DPP6: variants seen among roughly 807,000 people sequenced by gnomAD.
The protein encoded by DPP6 is dipeptidyl peptidase like 6.
In DPP6, 69 loss-of-function variants were observed where a neutral mutation model predicts 122.6. That is an observed-to-expected ratio of 0.56 (90% CI 0.46 to 0.69). DPP6 has a LOEUF of 0.69. Ranked by LOEUF, DPP6 falls within the 30% of genes least tolerant of loss-of-function variation. The pLI is 0.00. For missense variants in DPP6, 928 were observed against 1,116.9 expected (o/e 0.83, Z 2.41); for synonymous variants, 418 against 433.1 (o/e 0.97, Z 0.43).
intron 7 of DPP6, among the ~76,000 whole-genome samples, chr7:154,677,468 C>T (rs1427205550): frequency 6.6e-6 from 1 of 152,124 alleles, no homozygotes; most frequent in South Asian, 2.1e-4. Flanking sequence ...TTTAAAGTAG[C>T]CCATTAAAAT....
At chr7:154,673,103 A>G (rs553273951) in intron 7 of DPP6, among the ~76,000 whole-genome samples, 1 of 152,276 alleles carries the variant, frequency 6.6e-6, no homozygotes, top group South Asian at 2.1e-4. Context: ...TTCACAACTC[A>G]AGAGCAGGCC....
At chr7:154,846,326 C>T (rs1464285990) in intron 16 of DPP6, among the ~76,000 whole-genome samples, 1 of 151,814 alleles carries the variant, frequency 6.6e-6, no homozygotes, top group Non-Finnish European at 1.5e-5. Context: ...TTCTGCAAGC[C>T]CCCCTTGCTC....
At chr7:154,356,273 A>G (rs961914642) in intron 1 of DPP6, among the ~76,000 whole-genome samples, 5 of 152,158 alleles carry the variant, frequency 3.3e-5, no homozygotes, top group Non-Finnish European at 7.4e-5. Context: ...ACAGTTTTGT[A>G]ATTTTATTTG....
chr7:154,617,608 G>T (rs1370071632), intron 5 of DPP6, among the ~76,000 whole-genome samples: 1 of 152,186 alleles, frequency 6.6e-6, no homozygotes, highest in South Asian at 2.1e-4. Context: ...GCCCGTTGGT[G>T]ACTGCTCGTG....
At chr7:153,924,862 A>G (rs571384038) in intron 1 of DPP6, among the ~76,000 whole-genome samples, 1 of 152,314 alleles carries the variant, frequency 6.6e-6, no homozygotes, top group Non-Finnish European at 1.5e-5. Flanking sequence ...GGGTCCATGG[A>G]GAAGTCAGAG....
At chr7:154,246,839 A>G (rs1470149267) in intron 1 of DPP6, among the ~76,000 whole-genome samples, 3 of 152,224 alleles carry the variant, frequency 2.0e-5, no homozygotes, top group Middle Eastern at 3.2e-3. Context: ...GATGGATCAT[A>G]TATCTAAATA....
In DPP6 at chr7:154,366,846, C is replaced by T. The variant is rs1183220845; in HGVS notation, c.244-79368C>T. The stretch of plus-strand genomic sequence containing the variant: ...ATTTGCCCAAGTCCCAATACAATTC[C>T]CTCCCTGTGAAGCCTTAGAAATTCC... On this transcript the variant is annotated intron_variant, in intron 1 of 25. Coordinates refer to ENST00000377770, the MANE Select transcript of DPP6 (RefSeq NM_130797.4). 2.0e-5 allele frequency among the ~76,000 whole-genome samples: 3 copies of T among 152,256 alleles called. No individual in the cohort carries two copies. In the East Asian group the frequency reaches 5.8e-4, roughly 29 times the overall value.
intron 5 of DPP6, among the ~76,000 whole-genome samples, chr7:154,610,717 G>A (rs1302452113): frequency 2.6e-5 from 1 of 38,368 alleles, no homozygotes; most frequent in African/African-American, 8.0e-5. Context: ...CTGTGTGTGT[G>A]TGTGTGTGTG....
intron 19 of DPP6, among the ~76,000 whole-genome samples, chr7:154,873,753 C>T (rs1161699027): frequency 6.6e-6 from 1 of 152,034 alleles, no homozygotes; most frequent in Admixed American, 6.6e-5. Flanking sequence ...CACGCACCCA[C>T]ACACAGGCAC....
intron 18 of DPP6, among the ~76,000 whole-genome samples, chr7:154,868,829 A>G (rs1174399755): frequency 6.6e-6 from 1 of 152,210 alleles, no homozygotes; most frequent in East Asian, 1.9e-4. Flanking sequence ...AAATGCCCAC[A>G]GCGGATTTCA....
intron 5 of DPP6, among the ~76,000 whole-genome samples, chr7:154,623,665 GCACA>G (rs1232483566): frequency 3.3e-5 from 5 of 150,982 alleles, no homozygotes; most frequent in Middle Eastern, 3.4e-3. Context: ...GCACACACAC[GCACA>G]CACACACGCA....
intron 1 of DPP6, among the ~76,000 whole-genome samples, chr7:154,219,048 T>G (rs962130267): frequency 1.3e-5 from 2 of 152,226 alleles, no homozygotes; most frequent in Non-Finnish European, 2.9e-5. Context: ...TTTTGTACAC[T>G]GAATCTCTAT....
chr7:154,616,160 G>A (rs1309779812), intron 5 of DPP6, among the ~76,000 whole-genome samples: 1 of 152,092 alleles, frequency 6.6e-6, no homozygotes, highest in Non-Finnish European at 1.5e-5. Context: ...TCACCCCACT[G>A]AAAAGCCCGC....
In DPP6 at chr7:154,053,045, C is replaced by A; in HGVS notation, c.225C>A (p.Ser75Arg). 1 of 1,057,050 alleles carries A rather than the reference C, an allele frequency of 9.5e-7. No homozygotes were observed. Among genetic ancestry groups the A allele is most frequent in the South Asian group, 4.4e-5 (1 of 22,840 alleles). The allele number at this position is 1,057,050 out of a possible 1,614,324, so 65.5% of individuals were successfully genotyped here. ...GRPRFQYQAR[S>R]DGDEEDELVG... ...CCCGGTTCCAGTACCAGGCGCGGAG[C>A]GATGGTGACGAGGAGGACGTAAGAG... is the stretch of plus-strand genomic sequence containing the variant. Residue 75 changes from serine to arginine, a missense_variant, in exon 1 of 26, where the codon AGC becomes AGA. Coordinates refer to ENST00000377770, the MANE Select transcript of DPP6 (RefSeq NM_130797.4).
At chr7:154,430,557 C>T (rs1309208118) in intron 1 of DPP6, among the ~76,000 whole-genome samples, 1 of 152,184 alleles carries the variant, frequency 6.6e-6, no homozygotes, top group Non-Finnish European at 1.5e-5. Context: ...GAAGGCCCCC[C>T]TCCTAGTGCT....
chr7:153,964,640 G>T lies in DPP6; in HGVS notation c.51+76906G>T, dbSNP rs142557594. 2.0e-5 allele frequency among the ~76,000 whole-genome samples: 3 copies of T among 152,118 alleles called. No individual in the cohort carries two copies. The East Asian group carries it at 5.8e-4, about 29-fold the overall frequency. On this transcript the variant is annotated intron_variant, in intron 1 of 25. Transcript: ENST00000404039. ...CATATATTCCAGGAACAGTAGGCTG[G>T]TTGGGCCACCGGCGCCAACATCCTG...
At chr7:154,781,609 C>A (rs1375431443) in intron 10 of DPP6, among the ~76,000 whole-genome samples, 1 of 152,226 alleles carries the variant, frequency 6.6e-6, no homozygotes. Context: ...AAATGTGGAA[C>A]TGTACACTTT....
At chr7:154,478,511 G>T (rs1822953535) in intron 3 of DPP6, among the ~76,000 whole-genome samples, 1 of 151,734 alleles carries the variant, frequency 6.6e-6, no homozygotes, top group Non-Finnish European at 1.5e-5. Context: ...TATCTTCTGG[G>T]TGTTTACTGT....
intron 1 of DPP6, among the ~76,000 whole-genome samples, chr7:153,896,063 A>G (rs1584997467): frequency 6.6e-6 from 1 of 152,362 alleles, no homozygotes; most frequent in Middle Eastern, 3.4e-3. Context: ...CGAGAGGTCT[A>G]AGGCTGAGCA....
Sources: allele counts gnomAD v4.1 joint callset (sites outside exome capture counted in the v4.1 genomes callset), GRCh38; gene constraint gnomAD v4.1.1; transcripts MANE v1.5; gene names NCBI Gene and HGNC (gene_info 2026-07-23, HGNC 2026-07-21).